The following CSNK1G3 variants were observed in gnomAD, a reference collection of about 807,000 sequenced individuals.
CSNK1G3 encodes casein kinase 1 gamma 3.
In CSNK1G3, 23 loss-of-function variants were observed where a neutral mutation model predicts 64.3. The ratio of observed to expected loss-of-function variants is 0.36; its 90% CI spans 0.26 to 0.51. CSNK1G3 has a LOEUF of 0.51. Ranked by LOEUF, CSNK1G3 falls within the 20% of genes least tolerant of loss-of-function variation. The pLI is 0.96. For synonymous variants in CSNK1G3, 158 were observed against 162.2 expected (o/e 0.97, Z 0.20); for missense variants, 357 against 510.5 (o/e 0.70, Z 2.90).
chr5:123,545,938 GTTT>G, intron 2 of CSNK1G3, 97 bp downstream of exon 2: 1 of 1,022,772 alleles, frequency 9.8e-7, no homozygotes, highest in East Asian at 2.6e-5. Context: ...TTGTTTAGTT[GTTT>G]AATGGTTGTG....
chr5:123,584,202 A>G (rs2150887681), intron 6 of CSNK1G3, among the ~76,000 whole-genome samples: 1 of 152,352 alleles, frequency 6.6e-6, no homozygotes. Flanking sequence ...AACTTCCAGT[A>G]CAATACTGAA....
At chr5:123,612,407 A>G (rs907735363) in intron 12 of CSNK1G3, among the ~76,000 whole-genome samples, 5 of 151,636 alleles carry the variant, frequency 3.3e-5, no homozygotes, top group African/African-American at 1.2e-4. Context: ...TTTATTTCAC[A>G]GAAGTATATA....
intron 4 of CSNK1G3, among the ~76,000 whole-genome samples, chr5:123,572,820 C>T (rs1430049596): frequency 6.6e-6 from 1 of 152,214 alleles, no homozygotes; most frequent in Non-Finnish European, 1.5e-5. Context: ...CCAGGATTCT[C>T]TTCCTTCTGA....
chr5:123,575,749 C>G (rs779408598), exon 6 of CSNK1G3: 7 of 1,612,020 alleles, frequency 4.3e-6, no homozygotes, highest in Non-Finnish European at 5.9e-6. Flanking sequence ...TGGAATATGT[C>G]CATTCAAAGA....
chr5:123,584,929 C>G (rs1791027206), intron 6 of CSNK1G3, among the ~76,000 whole-genome samples: 1 of 152,030 alleles, frequency 6.6e-6, no homozygotes, highest in African/African-American at 2.4e-5. Context: ...TCTTCTGTTT[C>G]TTCTGTTATT....
At chr5:123,519,828 T>C (rs1277331709) in intron 1 of CSNK1G3, among the ~76,000 whole-genome samples, 1 of 152,216 alleles carries the variant, frequency 6.6e-6, no homozygotes. Flanking sequence ...TTAGTAGAAC[T>C]CTTATATCCT....
At chr5:123,513,903 T>C (rs1190810352) in intron 1 of CSNK1G3, among the ~76,000 whole-genome samples, 1 of 152,230 alleles carries the variant, frequency 6.6e-6, no homozygotes, top group Non-Finnish European at 1.5e-5. Flanking sequence ...TTTTTTGAGC[T>C]GTACTTAGTG....
At chr5:123,528,183 T>A (rs1561459358) in intron 1 of CSNK1G3, among the ~76,000 whole-genome samples, 1 of 152,190 alleles carries the variant, frequency 6.6e-6, no homozygotes, top group Non-Finnish European at 1.5e-5. Flanking sequence ...TTTAGTGAAT[T>A]TCTTTTTCTT....
intron 10 of CSNK1G3, among the ~76,000 whole-genome samples, chr5:123,598,754 A>T (rs1793902123): frequency 1.3e-5 from 2 of 152,140 alleles, no homozygotes; most frequent in South Asian, 4.1e-4. Context: ...GATAATGGGT[A>T]GCCATAAGGG....
In CSNK1G3 at chr5:123,572,094, C is replaced by G. The variant is rs138662735; in HGVS notation, c.290-1299C>G. On this transcript the variant is annotated intron_variant, in intron 4 of 12. Coordinates refer to ENST00000345990, the Ensembl canonical transcript of CSNK1G3. ...CAGGCAGTTCCTGGGCAGATGTCCT[C>G]ACAGAGTAATTTTTTGTAAAGTTGT... Among the ~76,000 whole-genome samples the G allele has an allele frequency of 3.9e-5, 6 of 152,288 alleles. No individual in the cohort carries two copies. The East Asian group carries it at 1.2e-3, about 29-fold the overall frequency.
chr5:123,543,775 C>T (rs1221057079), intron 1 of CSNK1G3, among the ~76,000 whole-genome samples: 1 of 152,148 alleles, frequency 6.6e-6, no homozygotes. Context: ...CAGCTTTCTA[C>T]TTGTTTACAA....
chr5:123,531,556 T>G (rs933010109), intron 1 of CSNK1G3, among the ~76,000 whole-genome samples: 1 of 152,060 alleles, frequency 6.6e-6, no homozygotes, highest in African/African-American at 2.4e-5. Context: ...TAGTAGATAT[T>G]ACTATATCAA....
intron 10 of CSNK1G3, among the ~76,000 whole-genome samples, chr5:123,593,225 A>ACACG (rs1792762978): frequency 1.3e-5 from 2 of 151,542 alleles, no homozygotes; most frequent in Non-Finnish European, 2.9e-5. Context: ...ACACACACAC[A>ACACG]CACATATATA....
intron 4 of CSNK1G3, among the ~76,000 whole-genome samples, chr5:123,565,151 A>G (rs1329080470): frequency 6.6e-6 from 1 of 152,242 alleles, no homozygotes; most frequent in Non-Finnish European, 1.5e-5. Flanking sequence ...ATATTTTGCA[A>G]ATGTCTTTAA....
chr5:123,564,304 GT>G (rs1389636111), intron 4 of CSNK1G3, among the ~76,000 whole-genome samples: 1 of 151,964 alleles, frequency 6.6e-6, no homozygotes, highest in Non-Finnish European at 1.5e-5. Flanking sequence ...GGTTATTATA[GT>G]ATTTTCAATG....
chr5:123,615,647 T>C (rs1749328923), exon 13 of CSNK1G3: 1 of 152,178 alleles, frequency 6.6e-6, no homozygotes, highest in Admixed American at 6.5e-5. Context: ...CATTCCACTT[T>C]TCAAGTATGC....
intron 1 of CSNK1G3, among the ~76,000 whole-genome samples, chr5:123,524,057 C>T (rs748608362): frequency 3.5e-4 from 53 of 152,222 alleles, no homozygotes; most frequent in Non-Finnish European, 7.2e-4. Flanking sequence ...GCAGCAACCC[C>T]TTAATAGAAA....
intron 2 of CSNK1G3, among the ~76,000 whole-genome samples, chr5:123,551,417 AG>A (rs1458566123): frequency 1.3e-5 from 2 of 152,188 alleles, no homozygotes; most frequent in Non-Finnish European, 2.9e-5. Flanking sequence ...ATATGAATAG[AG>A]CTTAAAGTTG....
intron 5 of CSNK1G3, among the ~76,000 whole-genome samples, chr5:123,573,965 T>C (rs556898888): frequency 6.6e-6 from 1 of 151,728 alleles, no homozygotes; most frequent in Admixed American, 6.6e-5. Context: ...TTCTCCTGCC[T>C]CAGCCTCCCG....
Sources: allele counts gnomAD v4.1 joint callset (sites outside exome capture counted in the v4.1 genomes callset), GRCh38; gene constraint gnomAD v4.1.1; transcripts MANE v1.5; gene names NCBI Gene and HGNC (gene_info 2026-07-23, HGNC 2026-07-21).